The following PCDHA2 variants were observed in gnomAD, a reference collection of about 807,000 sequenced individuals.
PCDHA2 encodes the protein protocadherin alpha-2.
PCDHA2 carries 58 observed loss-of-function variants against 66.0 expected under a neutral mutation model. The observed-to-expected ratio is 0.88, with a 90% CI of 0.71 to 1.09. PCDHA2 has a LOEUF of 1.09. Among genes scored for constraint, PCDHA2 ranks in the 50% least tolerant of loss-of-function variants. PCDHA2 has a pLI of 0.00. For synonymous variants in PCDHA2, 634 were observed against 554.0 expected (o/e 1.14, Z -2.03); for missense variants, 1,267 against 1,242.3 (o/e 1.02, Z -0.30).
chr5:140,903,180 T>C (rs149488870), intron 1 of PCDHA2, among the ~76,000 whole-genome samples: 1,613 of 152,324 alleles, frequency 0.011, 17 homozygotes, highest in African/African-American at 0.028. Context: ...TTCCCACCAA[T>C]AGTATAAAAG....
chr5:140,830,375 G>A, intron 1 of PCDHA2: 1 of 1,614,172 alleles, frequency 6.2e-7, no homozygotes, highest in Non-Finnish European at 8.5e-7. Flanking sequence ...GTGCTCCGGG[G>A]AGGGCCCACC....
chr5:140,931,966 A>G (rs1554208694), intron 1 of PCDHA2, among the ~76,000 whole-genome samples: 1 of 151,950 alleles, frequency 6.6e-6, no homozygotes, highest in African/African-American at 2.4e-5. Context: ...ATGTTGATGC[A>G]TATGTGTTTA....
chr5:140,802,544 C>T (rs374473436), intron 1 of PCDHA2: 5 of 1,614,192 alleles, frequency 3.1e-6, no homozygotes, highest in Non-Finnish European at 3.4e-6. Context: ...CCGACGTGAA[C>T]GACAATGCGC....
At chr5:140,971,682 T>C (rs782404162) in intron 1 of PCDHA2, among the ~76,000 whole-genome samples, 5 of 152,156 alleles carry the variant, frequency 3.3e-5, no homozygotes, top group Non-Finnish European at 4.4e-5. Flanking sequence ...AGTAAGGGAA[T>C]TTGTACTCAC....
intron 3 of PCDHA2, among the ~76,000 whole-genome samples, chr5:141,009,094 C>T (rs1350235475): frequency 6.6e-6 from 1 of 152,176 alleles, no homozygotes; most frequent in Non-Finnish European, 1.5e-5. Flanking sequence ...AAGAACCAAA[C>T]ATATGTTACT....
Position 140,795,131 on chromosome 5 carries a change from T to C in PCDHA2, c.167T>C (p.Leu56Pro), listed in dbSNP as rs782699751. The stretch of plus-strand genomic sequence containing the variant: ...ATCGCGCAGGACCTGGGGCTGGAGC[T>C]GGAGGAGCTGGTGCCGCGCCTGTTC... ...GRIAQDLGLE[L>P]EELVPRLFRV... Residue 56 changes from leucine to proline, a missense_variant, in exon 1 of 4, where the codon CTG (leucine) becomes CCG (proline). By Grantham distance (98) the Leu-to-Pro change is moderately conservative (BLOSUM62 -3). Transcript: ENST00000526136. 8 of 1,613,902 alleles carry C rather than the reference T, an allele frequency of 5.0e-6. No individual in the cohort carries two copies. In the African/African-American group the frequency reaches 1.1e-4, roughly 22 times the overall value.
chr5:140,876,176 TG>T (rs1554168338), intron 1 of PCDHA2: 2 of 1,613,930 alleles, frequency 1.2e-6, no homozygotes, highest in Non-Finnish European at 1.7e-6. Context: ...GTCCTGGATG[TG>T]AATGACAATG....
intron 1 of PCDHA2, chr5:140,929,538 A>C: frequency 3.3e-6 from 2 of 603,382 alleles, no homozygotes; most frequent in Non-Finnish European, 5.1e-6. Context: ...TTGAGAAACA[A>C]GGGCAAAAAT....
chr5:140,864,378 T>C (rs1269675465), intron 1 of PCDHA2: 1 of 152,252 alleles, frequency 6.6e-6, no homozygotes, highest in Non-Finnish European at 1.5e-5. Context: ...ATCGATAAGT[T>C]TATCTCTCAC....
At chr5:140,876,884 G>A (rs782742455) in intron 1 of PCDHA2, 11 of 1,614,028 alleles carry the variant, frequency 6.8e-6, no homozygotes, top group East Asian at 2.2e-5. Flanking sequence ...AACCCGCCGG[G>A]CTGCCACATC....
At chr5:140,803,164 A>T in intron 1 of PCDHA2, 1 of 1,613,870 alleles carries the variant, frequency 6.2e-7, no homozygotes, top group South Asian at 1.1e-5. Context: ...GACCACGGTG[A>T]ACCCTCATTG....
intron 1 of PCDHA2, chr5:140,829,201 C>T (rs2150163730): frequency 8.1e-6 from 13 of 1,614,196 alleles, no homozygotes; most frequent in Admixed American, 1.7e-5. Context: ...CTGTCATCGC[C>T]CTAATTAGCG....
In PCDHA2 at chr5:141,005,071, G is replaced by A. The variant is rs115656219; in HGVS notation, c.2537-4556G>A. On this transcript the variant is annotated intron_variant, in intron 3 of 3. Coordinates refer to ENST00000526136, the MANE Select transcript of PCDHA2 (RefSeq NM_018905.3). ...TACTGAATTCTTGCATTGTGCTAAG[G>A]ATCAAGCTTAGTACTTTACATGCAT... 5.2e-3 allele frequency among the ~76,000 whole-genome samples: 796 copies of A among 152,278 alleles called. 8 individuals are homozygous for A. The highest frequency in any genetic ancestry group is 0.018 in the African/African-American group (745 of 41,556).
intron 1 of PCDHA2, among the ~76,000 whole-genome samples, chr5:140,964,317 G>A (rs1042787994): frequency 2.0e-5 from 3 of 152,218 alleles, no homozygotes; most frequent in Non-Finnish European, 4.4e-5. Context: ...GCCTAAAACA[G>A]CATAATGGAC....
At chr5:140,942,927 A>T (rs914550511) in intron 1 of PCDHA2, among the ~76,000 whole-genome samples, 2 of 152,104 alleles carry the variant, frequency 1.3e-5, no homozygotes, top group Non-Finnish European at 2.9e-5. Flanking sequence ...AAAAAAATTG[A>T]AAAAGAGTTT....
intron 1 of PCDHA2, chr5:140,822,606 G>A (rs1554128745): frequency 1.2e-6 from 2 of 1,608,162 alleles, no homozygotes; most frequent in Non-Finnish European, 8.5e-7. Flanking sequence ...AGGAAATAGT[G>A]TATTTCTTTA....
In PCDHA2 at chr5:140,858,699, A is replaced by T; in HGVS notation, c.2388+61347A>T. ...GAATACACTAATATTTTCCAATACAAATATGTGATATAGGTTGCAGTTCTG... is the reference window on the plus strand; with the variant it reads ...GAATACACTAATATTTTCCAATACATATATGTGATATAGGTTGCAGTTCTG... On this transcript the variant is annotated intron_variant, in intron 1 of 3. Coordinates refer to ENST00000526136, the MANE Select transcript of PCDHA2 (RefSeq NM_018905.3). 3.6e-6 allele frequency: 2 copies of T among 561,894 alleles called. 1 individual carries two copies. The highest frequency in any genetic ancestry group is 6.1e-6 in the Non-Finnish European group (2 of 326,852). 34.8% of individuals were successfully genotyped at this position (561,894 alleles called of 1,614,324 possible).
chr5:140,858,425 C>T lies in PCDHA2; in HGVS notation c.2388+61073C>T, dbSNP rs373682195. 1.3e-5 allele frequency: 20 copies of T among 1,552,580 alleles called. 2 individuals are homozygous for T. The highest frequency in any genetic ancestry group is 1.8e-5 in the Non-Finnish European group (20 of 1,140,698). On this transcript the variant is annotated intron_variant, in intron 1 of 3. Transcript: ENST00000526136. ...GGAAGATCAGTCTATTGGAGGGGAC[C>T]ACTCTAGGAAGGTGGGTTATTACGT...
chr5:140,997,995 T>C (rs573319923), intron 3 of PCDHA2, among the ~76,000 whole-genome samples: 1 of 152,304 alleles, frequency 6.6e-6, no homozygotes, highest in East Asian at 1.9e-4. Flanking sequence ...CATACTTCCC[T>C]CTGAGCCTTC....
Sources: gnomAD v4.1 joint callset for allele counts (sites outside exome capture counted in the v4.1 genomes callset) on GRCh38, gnomAD v4.1.1 for gene constraint, MANE v1.5 for transcripts, NCBI Gene and HGNC (gene_info 2026-07-23, HGNC 2026-07-21) for gene names.